The following PTPRK variants were observed in gnomAD, a reference collection of about 807,000 sequenced individuals.
The protein encoded by PTPRK is protein tyrosine phosphatase receptor type K.
PTPRK carries 75 observed loss-of-function variants against 178.0 expected under a neutral mutation model. The observed-to-expected ratio is 0.42, with a 90% CI of 0.35 to 0.51. PTPRK has a LOEUF of 0.51. Among genes scored for constraint, PTPRK ranks in the 20% least tolerant of loss-of-function variants. The pLI is 0.02. For synonymous variants in PTPRK, 637 were observed against 620.6 expected (o/e 1.03, Z -0.39); for missense variants, 1,441 against 1,797.8 (o/e 0.80, Z 3.59).
rs977061336 is a variant in PTPRK at position 128,432,238 on chromosome 6, G to A, written c.101-34550C>T. On this transcript the variant is annotated intron_variant, in intron 1 of 29. Coordinates refer to ENST00000368226, the MANE Select transcript of PTPRK (RefSeq NM_002844.4). ...AGACTGTGATAACTTCTTATTGTAC[G>A]AATATTTGGATATACTTTAAATAGG... Among the ~76,000 whole-genome samples, 8 of 152,260 alleles carry A rather than the reference G, an allele frequency of 5.3e-5. No individual in the cohort carries two copies. In the East Asian group the frequency reaches 7.7e-4, roughly 15 times the overall value.
At chr6:128,217,892 C>T (rs1583533020) in intron 6 of PTPRK, among the ~76,000 whole-genome samples, 2 of 152,168 alleles carry the variant, frequency 1.3e-5, no homozygotes, top group South Asian at 4.1e-4. Flanking sequence ...CACTTCTCCT[C>T]GAAGAGACTT....
rs1480570857 is a variant in PTPRK at position 128,480,230 on chromosome 6, TC to T, written c.100+40028del. ...CATCACCAGGCTTGACCTCTCTCAT[TC>T]CCCTTTCGCGCTTGTTCTTCCAGAT... On this transcript the variant is annotated intron_variant, in intron 1 of 29. Transcript: ENST00000368226. 2.6e-5 allele frequency among the ~76,000 whole-genome samples: 4 copies of T among 152,144 alleles called. No individual in the cohort carries two copies. In the East Asian group the frequency reaches 7.7e-4, roughly 29 times the overall value.
At chr6:128,213,808 A>T (rs967040208) in intron 6 of PTPRK, among the ~76,000 whole-genome samples, 1 of 152,112 alleles carries the variant, frequency 6.6e-6, no homozygotes, top group African/African-American at 2.4e-5. Context: ...ACCGGAATAG[A>T]ATACTGGTCA....
chr6:128,327,477 A>C (rs1341370341), intron 2 of PTPRK, among the ~76,000 whole-genome samples: 1 of 152,154 alleles, frequency 6.6e-6, no homozygotes, highest in Non-Finnish European at 1.5e-5. Context: ...TTCTCTTCAC[A>C]AACCACCTTC....
chr6:128,373,225 A>T (rs1430385751), intron 2 of PTPRK, among the ~76,000 whole-genome samples: 1 of 152,106 alleles, frequency 6.6e-6, no homozygotes, highest in Non-Finnish European at 1.5e-5. Context: ...CTTGGACTTG[A>T]CTCTTTGCAA....
chr6:128,080,485 T>C (rs1461039713), intron 10 of PTPRK, among the ~76,000 whole-genome samples: 2 of 152,094 alleles, frequency 1.3e-5, no homozygotes, highest in African/African-American at 4.8e-5. Context: ...CTGTTTAAAA[T>C]ACTGTCTAGA....
chr6:128,337,240 T>C (rs1831059864), intron 2 of PTPRK, among the ~76,000 whole-genome samples: 1 of 152,174 alleles, frequency 6.6e-6, no homozygotes, highest in South Asian at 2.1e-4. Flanking sequence ...AGCAGTAAAC[T>C]TCTTAAGGGC....
rs10645749 is a variant in PTPRK, at chr6:128,474,177, AAAAC to A, written c.100+46078_100+46081del. ...CAAAGGGAGAGCAGGATGGTAGGGGAAAACAAACAAACAAACAAACAAACAAACC... is the reference window on the plus strand; with the variant it reads ...CAAAGGGAGAGCAGGATGGTAGGGGAAAACAAACAAACAAACAAACAAACC... On this transcript the variant is annotated intron_variant, in intron 1 of 29. Coordinates refer to ENST00000368226, the MANE Select transcript of PTPRK (RefSeq NM_002844.4). Among the ~76,000 whole-genome samples, 1,135 of 151,180 alleles carry A rather than the reference AAAAC, an allele frequency of 7.5e-3. 5 individuals are homozygous for A. The highest frequency in any genetic ancestry group is 0.02 in the Middle Eastern group (6 of 294).
intron 7 of PTPRK, among the ~76,000 whole-genome samples, chr6:128,151,258 G>A (rs945492188): frequency 1.7e-4 from 26 of 151,882 alleles, no homozygotes; most frequent in African/African-American, 6.3e-4. Context: ...TAATGTACTT[G>A]GAACTATATT....
At chr6:128,477,447 T>C (rs1430665676) in intron 1 of PTPRK, among the ~76,000 whole-genome samples, 3 of 151,494 alleles carry the variant, frequency 2.0e-5, no homozygotes, top group African/African-American at 7.3e-5. Context: ...CTCTTTTCTG[T>C]ACCCTATACA....
intron 6 of PTPRK, among the ~76,000 whole-genome samples, chr6:128,206,390 A>G (rs138517270): frequency 3.3e-5 from 5 of 149,498 alleles, no homozygotes; most frequent in Admixed American, 2.6e-4. Flanking sequence ...TGCTGCTAAT[A>G]ATAAAGGGTG....
chr6:128,236,984 A>G (rs967083857), intron 5 of PTPRK, among the ~76,000 whole-genome samples: 1 of 152,114 alleles, frequency 6.6e-6, no homozygotes, highest in Non-Finnish European at 1.5e-5. Context: ...CTCAATTTGT[A>G]TATTATTTTA....
chr6:128,090,672 C>T (rs1786760018), intron 7 of PTPRK, among the ~76,000 whole-genome samples: 1 of 152,094 alleles, frequency 6.6e-6, no homozygotes, highest in African/African-American at 2.4e-5. Context: ...TTCCATTCAA[C>T]TGGAAAATAC....
At chr6:128,099,253 G>A (rs1292290128) in intron 7 of PTPRK, among the ~76,000 whole-genome samples, 1 of 150,654 alleles carries the variant, frequency 6.6e-6, no homozygotes, top group Non-Finnish European at 1.5e-5. Context: ...AATAGTACAT[G>A]TTTTTCTCAA....
chr6:128,464,663 A>ATG (rs1242295581), intron 1 of PTPRK, among the ~76,000 whole-genome samples: 156 of 115,408 alleles, frequency 1.4e-3, no homozygotes, highest in African/African-American at 5.3e-3. Flanking sequence ...ATATATATAT[A>ATG]TATATATATA....
chr6:128,190,564 T>A (rs1002932898), intron 6 of PTPRK, among the ~76,000 whole-genome samples: 10 of 146,546 alleles, frequency 6.8e-5, no homozygotes, highest in Non-Finnish European at 1.0e-4. Context: ...AGTGGTGTGA[T>A]CTTGGCTCAC....
chr6:128,194,066 ATT>A (rs1491569614), intron 6 of PTPRK, among the ~76,000 whole-genome samples: 2 of 79,342 alleles, frequency 2.5e-5, no homozygotes, highest in East Asian at 3.2e-4. Context: ...TTATATATAT[ATT>A]ATTATTATTA....
intron 3 of PTPRK, among the ~76,000 whole-genome samples, chr6:128,282,189 T>A (rs1321844764): frequency 6.6e-6 from 1 of 152,172 alleles, no homozygotes; most frequent in East Asian, 1.9e-4. Context: ...AGACAACTCT[T>A]CAGGGTGTTT....
At chr6:128,235,507 T>C in intron 5 of PTPRK, 1 of 429,204 alleles carries the variant, frequency 2.3e-6, no homozygotes, top group Non-Finnish European at 4.9e-6. Context: ...ACAAATTCCG[T>C]ATCATTGAAC....
Sources: allele counts gnomAD v4.1 joint callset (sites outside exome capture counted in the v4.1 genomes callset), GRCh38; gene constraint gnomAD v4.1.1; transcripts MANE v1.5; gene names NCBI Gene and HGNC (gene_info 2026-07-23, HGNC 2026-07-21).